Variants in KCNC2 observed in about 807,000 individuals in gnomAD.
KCNC2 encodes potassium voltage-gated channel subfamily C member 2.
KCNC2 carries 21 observed loss-of-function variants against 44.5 expected under a neutral mutation model. The observed-to-expected ratio is 0.47, with a 90% CI of 0.33 to 0.68. The LOEUF is 0.68. Among genes scored for constraint, KCNC2 ranks in the 30% least tolerant of loss-of-function variants. The pLI is 0.01. For missense variants in KCNC2, 589 were observed against 826.2 expected (o/e 0.71, Z 3.52); for synonymous variants, 391 against 339.1 (o/e 1.15, Z -1.68).
intron 2 of KCNC2, among the ~76,000 whole-genome samples, chr12:75,065,345 G>C (rs184978786): frequency 2.6e-5 from 4 of 151,892 alleles, no homozygotes; most frequent in Non-Finnish European, 5.9e-5. Flanking sequence ...TGGTGTATTG[G>C]TATGCCTCAA....
At chr12:75,126,127 C>T (rs1233726597) in intron 2 of KCNC2, among the ~76,000 whole-genome samples, 1 of 152,098 alleles carries the variant, frequency 6.6e-6, no homozygotes, top group African/African-American at 2.4e-5. Flanking sequence ...ATCTCATGTG[C>T]TTACTACTAC....
At chr12:75,180,131 A>C (rs749909217) in intron 2 of KCNC2, among the ~76,000 whole-genome samples, 1 of 151,944 alleles carries the variant, frequency 6.6e-6, no homozygotes, top group Non-Finnish European at 1.5e-5. Flanking sequence ...TAAATGCTCA[A>C]TGTTTTGTAT....
chr12:75,042,431 G>C lies in KCNC2; in HGVS notation c.*674C>G. On this transcript the variant is annotated 3_prime_UTR_variant, in exon 5 of 5. Coordinates refer to ENST00000549446, the MANE Select transcript of KCNC2 (RefSeq NM_139137.4). ...TCCAATACAGCATTTTTGAAGAAAA[G>C]TAAATCAATCAAGAAATTAAACTAT... 1 of 1,576,206 alleles carries C rather than the reference G, an allele frequency of 6.3e-7. No homozygotes were observed. Among genetic ancestry groups the C allele is most frequent in the Non-Finnish European group, 8.6e-7 (1 of 1,161,228 alleles).
chr12:75,180,564 A>G (rs2137640206), intron 2 of KCNC2, among the ~76,000 whole-genome samples: 1 of 152,012 alleles, frequency 6.6e-6, no homozygotes, highest in South Asian at 2.1e-4. Flanking sequence ...ATTTTCTAAT[A>G]TTAAATTATG....
chr12:75,134,755 A>T (rs12315112), intron 2 of KCNC2, among the ~76,000 whole-genome samples: 25,223 of 151,834 alleles, frequency 0.17, 2,677 homozygotes, highest in African/African-American at 0.29. Context: ...TAGAGTAAGT[A>T]TCTTAAAGCC....
rs146955764 is a variant in KCNC2 at position 75,071,505 on chromosome 12, A to G, written c.688-20188T>C. 2.6e-5 allele frequency among the ~76,000 whole-genome samples: 4 copies of G among 152,304 alleles called. No homozygotes were observed. In the East Asian group the frequency reaches 7.7e-4, roughly 29 times the overall value. Reference sequence around the variant, plus strand: ...ATAATTATCCTATATCCCTATGCATATTATAAGTTTTCAACGAATTTGAGA... The same window carrying G: ...ATAATTATCCTATATCCCTATGCATGTTATAAGTTTTCAACGAATTTGAGA... On this transcript the variant is annotated intron_variant, in intron 2 of 4. Coordinates refer to ENST00000549446, the MANE Select transcript of KCNC2 (RefSeq NM_139137.4).
At chr12:75,086,681 A>AAAAAAAATATATATATAT (rs1206456289) in intron 2 of KCNC2, among the ~76,000 whole-genome samples, 1 of 54,204 alleles carries the variant, frequency 1.8e-5, no homozygotes, top group Non-Finnish European at 3.5e-5. Flanking sequence ...AAAAAAAAAA[A>AAAAAAAATATATATATAT]ATATATATAT....
At chr12:75,105,325 C>G (rs768759585) in intron 2 of KCNC2, among the ~76,000 whole-genome samples, 6 of 152,036 alleles carry the variant, frequency 3.9e-5, no homozygotes, top group Non-Finnish European at 7.4e-5. Context: ...AGTAAGAAGT[C>G]CAGTGTGTCA....
chr12:75,197,286 C>T (rs1159516097), intron 2 of KCNC2, among the ~76,000 whole-genome samples: 2 of 151,970 alleles, frequency 1.3e-5, no homozygotes, highest in Non-Finnish European at 2.9e-5. Flanking sequence ...TTCTCTCAAG[C>T]CTGTTATTCT....
intron 2 of KCNC2, among the ~76,000 whole-genome samples, chr12:75,204,752 C>T (rs1298178456): frequency 6.6e-6 from 1 of 152,006 alleles, no homozygotes; most frequent in Non-Finnish European, 1.5e-5. Flanking sequence ...AGGTTATCAT[C>T]TTAACTAAAA....
At position 75,048,232 on chromosome 12, in the gene KCNC2, G is replaced by A. The variant is rs145707014; in HGVS notation, c.1701C>T (p.Asp567=). Residue 567 remains aspartate, a synonymous_variant, in exon 4 of 5, where the codon GAC becomes GAT. Transcript: ENST00000549446. ...RLPIRRSSTR[D]KNRRGETCFL... ...AACATGTTTCCCCTCTTCTGTTTTT[G>A]TCTCTGGTACTAGAGCGTCTGATGG... 2 of 1,612,802 alleles carry A rather than the reference G, an allele frequency of 1.2e-6. No homozygotes were observed. Among genetic ancestry groups the A allele is most frequent in the Non-Finnish European group, 1.7e-6 (2 of 1,179,332 alleles).
chr12:75,068,677 A>T (rs1200245395), intron 2 of KCNC2, among the ~76,000 whole-genome samples: 1 of 152,164 alleles, frequency 6.6e-6, no homozygotes, highest in Non-Finnish European at 1.5e-5. Flanking sequence ...TGAGGAGTTG[A>T]TTACAATTAA....
chr12:75,189,017 T>G (rs2029942615), intron 2 of KCNC2, among the ~76,000 whole-genome samples: 1 of 152,166 alleles, frequency 6.6e-6, no homozygotes. Flanking sequence ...AGTTAAGAGT[T>G]GATGATCATA....
intron 2 of KCNC2, among the ~76,000 whole-genome samples, chr12:75,110,190 C>T (rs1887118260): frequency 6.6e-6 from 1 of 152,008 alleles, no homozygotes; most frequent in African/African-American, 2.4e-5. Context: ...AAGGGTTCAC[C>T]ATGTCCCAGA....
chr12:75,109,214 TA>T (rs771437793), intron 2 of KCNC2, among the ~76,000 whole-genome samples: 11 of 152,208 alleles, frequency 7.2e-5, no homozygotes, highest in Non-Finnish European at 1.3e-4. Context: ...AATACCCGAT[TA>T]TAATCTTACA....
intron 2 of KCNC2, among the ~76,000 whole-genome samples, chr12:75,154,904 A>T (rs528131317): frequency 9.1e-4 from 139 of 152,088 alleles, no homozygotes; most frequent in African/African-American, 3.2e-3. Flanking sequence ...ATTTTTGGAC[A>T]TTTTGAAAAA....
chr12:75,156,908 C>A (rs1054407814), intron 2 of KCNC2, among the ~76,000 whole-genome samples: 4 of 151,800 alleles, frequency 2.6e-5, no homozygotes, highest in African/African-American at 9.7e-5. Flanking sequence ...TATTTATGAG[C>A]CAGAGGGTAG....
At chr12:75,108,616 A>C (rs1886977906) in intron 2 of KCNC2, among the ~76,000 whole-genome samples, 1 of 152,184 alleles carries the variant, frequency 6.6e-6, no homozygotes. Context: ...CCATTCCAAA[A>C]CAGCTGTTGA....
chr12:75,166,070 C>T (rs1472864074), intron 2 of KCNC2, among the ~76,000 whole-genome samples: 1 of 151,042 alleles, frequency 6.6e-6, no homozygotes, highest in African/African-American at 2.4e-5. Context: ...AAATATATAC[C>T]ACATACCATG....
Sources: allele counts gnomAD v4.1 joint callset (sites outside exome capture counted in the v4.1 genomes callset), GRCh38; gene constraint gnomAD v4.1.1; transcripts MANE v1.5; gene names NCBI Gene and HGNC (gene_info 2026-07-23, HGNC 2026-07-21).